The following GPC5 variants were observed in gnomAD, a reference collection of about 807,000 sequenced individuals.
The protein encoded by GPC5 is glypican-5.
Under a neutral mutation model 53.9 loss-of-function variants are expected in GPC5, and 47 were observed. That is an observed-to-expected ratio of 0.87 (90% confidence interval 0.69 to 1.11). The LOEUF is 1.11. GPC5 is among the 50% of genes most tolerant of loss of function. The pLI, the probability that GPC5 is intolerant of heterozygous loss-of-function variation, is 0.00. For missense variants in GPC5, 748 were observed against 713.1 expected (o/e 1.05, Z -0.56); for synonymous variants, 286 against 263.3 (o/e 1.09, Z -0.84).
intron 3 of GPC5, among the ~76,000 whole-genome samples, chr13:91,711,955 C>A (rs1594464442): frequency 6.6e-6 from 1 of 152,236 alleles, no homozygotes; most frequent in South Asian, 2.1e-4. Flanking sequence ...ATTGGTCATG[C>A]TGAAATTTCC....
chr13:91,598,571 G>A (rs1011225136), intron 2 of GPC5, among the ~76,000 whole-genome samples: 1 of 151,696 alleles, frequency 6.6e-6, no homozygotes, highest in African/African-American at 2.4e-5. Flanking sequence ...TGTATCCCTT[G>A]GTTCATTTCT....
intron 7 of GPC5, among the ~76,000 whole-genome samples, chr13:92,742,368 C>G (rs1354554603): frequency 6.6e-6 from 1 of 152,120 alleles, no homozygotes; most frequent in African/African-American, 2.4e-5. Context: ...TGTCTTTTGG[C>G]TGCATAAATG....
chr13:91,774,603 G>A (rs933406319), intron 5 of GPC5, among the ~76,000 whole-genome samples: 4 of 152,004 alleles, frequency 2.6e-5, no homozygotes, highest in African/African-American at 9.7e-5. Flanking sequence ...GACCTACAGC[G>A]CACCCATCCC....
At chr13:92,007,471 A>T (rs890934135) in intron 6 of GPC5, among the ~76,000 whole-genome samples, 28 of 152,122 alleles carry the variant, frequency 1.8e-4, no homozygotes, top group African/African-American at 6.5e-4. Context: ...CATTATAAAG[A>T]GTCTGTCTTT....
chr13:91,997,073 A>T (rs914936224), intron 6 of GPC5, among the ~76,000 whole-genome samples: 3 of 152,076 alleles, frequency 2.0e-5, no homozygotes, highest in Admixed American at 6.6e-5. Flanking sequence ...TATTTTTGGT[A>T]CATGTGAAGA....
At chr13:92,099,466 T>C (rs1170913260) in intron 6 of GPC5, among the ~76,000 whole-genome samples, 1 of 152,220 alleles carries the variant, frequency 6.6e-6, no homozygotes, top group African/African-American at 2.4e-5. Flanking sequence ...CTTTACACTT[T>C]TTAAATACTT....
chr13:91,529,500 T>C (rs557518678), intron 2 of GPC5, among the ~76,000 whole-genome samples: 41 of 152,190 alleles, frequency 2.7e-4, no homozygotes, highest in Non-Finnish European at 7.3e-5. Context: ...AGCTTTTAAA[T>C]TTGAAAAATA....
intron 7 of GPC5, among the ~76,000 whole-genome samples, chr13:92,865,508 G>T (rs1260906843): frequency 2.0e-5 from 3 of 152,174 alleles, no homozygotes; most frequent in Non-Finnish European, 4.4e-5. Flanking sequence ...TGGATGTGGG[G>T]AAGGGAGGGG....
At chr13:91,592,695 T>C (rs1297140334) in intron 2 of GPC5, among the ~76,000 whole-genome samples, 2 of 152,224 alleles carry the variant, frequency 1.3e-5, no homozygotes, top group Non-Finnish European at 2.9e-5. Context: ...CTCTGGACCC[T>C]TGGATTCGGG....
chr13:91,885,226 G>C (rs572844533), intron 5 of GPC5, among the ~76,000 whole-genome samples: 1 of 152,136 alleles, frequency 6.6e-6, no homozygotes, highest in East Asian at 1.9e-4. Context: ...CTTTGTATTT[G>C]GGTAAAGGCA....
intron 6 of GPC5, among the ~76,000 whole-genome samples, chr13:91,969,420 A>G (rs971511143): frequency 1.6e-4 from 24 of 152,216 alleles, no homozygotes; most frequent in Admixed American, 1.6e-3. Flanking sequence ...TAAATCTTCT[A>G]GAAAAAAATC....
chr13:92,748,549 C>T (rs1192093024), intron 7 of GPC5, among the ~76,000 whole-genome samples: 3 of 151,832 alleles, frequency 2.0e-5, no homozygotes, highest in Non-Finnish European at 4.4e-5. Context: ...TCTTGAACTC[C>T]TGACCTTGTG....
At chr13:92,002,273 A>C (rs2040562552) in intron 6 of GPC5, among the ~76,000 whole-genome samples, 1 of 152,234 alleles carries the variant, frequency 6.6e-6, no homozygotes, top group Non-Finnish European at 1.5e-5. Flanking sequence ...ATTGTATTAC[A>C]AAAAGCGTAT....
intron 7 of GPC5, among the ~76,000 whole-genome samples, chr13:92,200,714 T>C (rs1452457055): frequency 2.0e-5 from 3 of 152,202 alleles, no homozygotes; most frequent in South Asian, 2.1e-4. Context: ...CTGGATTCGA[T>C]TGGATCATGT....
intron 6 of GPC5, among the ~76,000 whole-genome samples, chr13:92,113,509 T>A (rs973273720): frequency 6.6e-6 from 1 of 152,168 alleles, no homozygotes; most frequent in Non-Finnish European, 1.5e-5. Context: ...CTCCATATGA[T>A]AAGCTTAGAC....
intron 5 of GPC5, among the ~76,000 whole-genome samples, chr13:91,897,810 G>T (rs1420745896): frequency 6.6e-6 from 1 of 152,050 alleles, no homozygotes; most frequent in African/African-American, 2.4e-5. Flanking sequence ...GTGTTTATCT[G>T]CTGGTAAAGT....
intron 6 of GPC5, among the ~76,000 whole-genome samples, chr13:92,123,833 T>G (rs1483225949): frequency 6.6e-6 from 1 of 152,222 alleles, no homozygotes; most frequent in Non-Finnish European, 1.5e-5. Flanking sequence ...AAGCATACAT[T>G]ACCAAATATA....
intron 2 of GPC5, among the ~76,000 whole-genome samples, chr13:91,510,589 C>A (rs1205912207): frequency 6.6e-6 from 1 of 152,002 alleles, no homozygotes; most frequent in Admixed American, 6.6e-5. Flanking sequence ...AATACAATAT[C>A]TGCCCATATT....
chr13:92,193,174 CA>C (rs67764584), intron 7 of GPC5, among the ~76,000 whole-genome samples: 125,616 of 151,130 alleles, frequency 0.83, 52,412 homozygotes, highest in East Asian at 0.99. Flanking sequence ...GACTCTGTCT[CA>C]AAAAAAAATA....
Sources: allele counts gnomAD v4.1 joint callset (sites outside exome capture counted in the v4.1 genomes callset), GRCh38; gene constraint gnomAD v4.1.1; transcripts MANE v1.5; gene names NCBI Gene and HGNC (gene_info 2026-07-23, HGNC 2026-07-21).